MIAT: variants seen among roughly 807,000 people sequenced by gnomAD.
The protein encoded by MIAT is myocardial infarction associated transcript.
At chr22:26,669,057 C>A (rs1021508024) in exon 6 of MIAT, 1 of 398,438 alleles carries the variant, frequency 2.5e-6, no homozygotes, top group Non-Finnish European at 4.4e-6. Context: ...CCAATCAGAT[C>A]GCTGCTTCTA....
intron 2 of MIAT, among the ~76,000 whole-genome samples, chr22:26,647,913 T>A: frequency 6.6e-6 from 1 of 151,454 alleles, no homozygotes; most frequent in Non-Finnish European, 1.5e-5. Flanking sequence ...GAAGGAAGGG[T>A]GAGTGTGAAA....
At chr22:26,665,169 A>G (rs927277927) in intron 3 of MIAT, among the ~76,000 whole-genome samples, 5 of 152,086 alleles carry the variant, frequency 3.3e-5, no homozygotes, top group African/African-American at 1.2e-4. Context: ...TGAACCCAGG[A>G]GGCAGAGGTT....
chr22:26,672,912 A>T (rs1195246287), downstream of MIAT: 4 of 398,032 alleles, frequency 1.0e-5, no homozygotes, highest in East Asian at 1.1e-4. Flanking sequence ...CAGTGAGAGG[A>T]CTCTTTCCCA....
At chr22:26,672,763 C>T, downstream of MIAT, 3 of 398,908 alleles carry the variant, frequency 7.5e-6, no homozygotes, top group Non-Finnish European at 8.8e-6. Flanking sequence ...CGGAGCCTTT[C>T]TTACACCGGA....
At chr22:26,660,813 G>A (rs1334933930) in intron 2 of MIAT, 1 of 152,208 alleles carries the variant, frequency 6.6e-6, no homozygotes, top group East Asian at 1.9e-4. Flanking sequence ...TGAGAGTTAC[G>A]CAGGTCCGTG....
chr22:26,669,238 G>A, exon 6 of MIAT: 1 of 398,748 alleles, frequency 2.5e-6, no homozygotes, highest in Non-Finnish European at 4.4e-6. Flanking sequence ...CCCAGAATGC[G>A]GAGTGGTGTG....
downstream of MIAT, chr22:26,674,579 A>G (rs930684527): frequency 2.5e-5 from 10 of 398,560 alleles, no homozygotes; most frequent in Non-Finnish European, 4.0e-5. Flanking sequence ...GAGCTAACCA[A>G]TTGTAGTTGG....
At chr22:26,659,529 A>G (rs747093288) in intron 2 of MIAT, among the ~76,000 whole-genome samples, 1 of 152,062 alleles carries the variant, frequency 6.6e-6, no homozygotes, top group Non-Finnish European at 1.5e-5. Flanking sequence ...ATAATTCTCT[A>G]TGCTTGCATT....
intron 3 of MIAT, among the ~76,000 whole-genome samples, chr22:26,664,051 G>A (rs1331289849): frequency 7.2e-6 from 1 of 139,362 alleles, no homozygotes. Context: ...TCGCTCTGCT[G>A]TTTGGGCTGC....
At chr22:26,673,170 G>A (rs566066890), downstream of MIAT, 13 of 398,666 alleles carry the variant, frequency 3.3e-5, no homozygotes, top group African/African-American at 2.7e-4. Flanking sequence ...GGGCTCACAG[G>A]GTTCCCGCAG....
chr22:26,661,375 C>T (rs1347283243), intron 2 of MIAT, among the ~76,000 whole-genome samples: 5 of 152,150 alleles, frequency 3.3e-5, no homozygotes, highest in African/African-American at 7.2e-5. Flanking sequence ...GCAGGTGTCC[C>T]CTTATCCCTT....
intron 2 of MIAT, among the ~76,000 whole-genome samples, chr22:26,648,931 CAGAG>C (rs60141294): frequency 6.7e-5 from 10 of 149,014 alleles, no homozygotes; most frequent in Non-Finnish European, 4.5e-5. Context: ...GAGAGCGAGA[CAGAG>C]AGAGAGAGAG....
At chr22:26,675,512 G>A in exon 5 of MIAT, 1 of 398,654 alleles carries the variant, frequency 2.5e-6, no homozygotes. Context: ...TTAGACAACT[G>A]AGCAGAACTT....
At chr22:26,669,405 C>T (rs56378339) in exon 6 of MIAT, 15,734 of 398,624 alleles carry the variant, frequency 0.039, 533 homozygotes, top group Admixed American at 0.15. Context: ...TTGCAGGTGG[C>T]ACCTTCTCAC....
chr22:26,672,352 T>G (rs1931080543), downstream of MIAT: 1 of 399,036 alleles, frequency 2.5e-6, no homozygotes, highest in South Asian at 1.3e-4. Flanking sequence ...GGCTGTAAGA[T>G]CAGAGTCCAC....
intron 2 of MIAT, chr22:26,660,643 T>C (rs1930631524): frequency 1.3e-5 from 2 of 152,182 alleles, no homozygotes; most frequent in Non-Finnish European, 2.9e-5. Flanking sequence ...AGTTCCCTAT[T>C]GTTGGTCCTG....
At chr22:26,646,771 G>A in exon 1 of MIAT, 1 of 398,664 alleles carries the variant, frequency 2.5e-6, no homozygotes, top group Non-Finnish European at 4.4e-6. Flanking sequence ...AACTGTCTTA[G>A]TGCTTTCCCC....
At chr22:26,652,568 G>C (rs2145998276) in intron 2 of MIAT, among the ~76,000 whole-genome samples, 1 of 152,266 alleles carries the variant, frequency 6.6e-6, no homozygotes, top group South Asian at 2.1e-4. Context: ...ATGCTGGTCA[G>C]GCTGGTCTCA....
chr22:26,649,652 C>T (rs755481681), intron 2 of MIAT, among the ~76,000 whole-genome samples: 11 of 152,328 alleles, frequency 7.2e-5, no homozygotes, highest in Admixed American at 2.6e-4. Flanking sequence ...CAGTGGCTCA[C>T]GCCTGTAATC....
Sources: allele counts gnomAD v4.1 joint callset (sites outside exome capture counted in the v4.1 genomes callset), GRCh38; gene constraint gnomAD v4.1.1; transcripts MANE v1.5; gene names NCBI Gene and HGNC (gene_info 2026-07-23, HGNC 2026-07-21).